The following RPS6KA2 variants were observed in gnomAD, a reference collection of about 807,000 sequenced individuals.
The protein encoded by RPS6KA2 is ribosomal protein S6 kinase alpha-2.
Under a neutral mutation model 91.8 loss-of-function variants are expected in RPS6KA2, and 42 were observed. That is an observed-to-expected ratio of 0.46 (90% CI 0.36 to 0.59). The LOEUF is 0.59. Among genes scored for constraint, RPS6KA2 ranks in the 20% least tolerant of loss-of-function variants. The pLI, the probability that RPS6KA2 is intolerant of heterozygous loss-of-function variation, is 0.00. For synonymous variants in RPS6KA2, 414 were observed against 393.6 expected (o/e 1.05, Z -0.61); for missense variants, 798 against 978.5 (o/e 0.82, Z 2.46).
chr6:166,485,952 C>T (rs996606663), intron 10 of RPS6KA2, among the ~76,000 whole-genome samples: 6 of 152,178 alleles, frequency 3.9e-5, no homozygotes, highest in East Asian at 1.9e-4. Context: ...TAAGGGTGAG[C>T]GCTGAGCCCT....
rs187429568 is a variant in RPS6KA2 at position 166,425,332 on chromosome 6, G to C, written c.1582-1915C>G. The stretch of plus-strand genomic sequence containing the variant: ...ACATGGAAAGGAACAACAGGTACCA[G>C]CCACTGCAAAATAATGCCAAAATGT... On this transcript the variant is annotated intron_variant, in intron 16 of 20. Transcript: ENST00000265678. Among the ~76,000 whole-genome samples the C allele has an allele frequency of 1.8e-3, 281 of 152,084 alleles. 7 individuals are homozygous for C. The highest frequency in any genetic ancestry group is 0.015 in the Admixed American group (224 of 15,260).
chr6:166,785,051 C>T (rs1202815254), intron 2 of RPS6KA2, among the ~76,000 whole-genome samples: 1 of 152,210 alleles, frequency 6.6e-6, no homozygotes, highest in African/African-American at 2.4e-5. Flanking sequence ...TCTGTATACA[C>T]GTGTCTGTAT....
intron 1 of RPS6KA2, among the ~76,000 whole-genome samples, chr6:166,615,367 A>G (rs1313785267): frequency 2.0e-5 from 3 of 152,254 alleles, no homozygotes; most frequent in African/African-American, 7.2e-5. Context: ...CACAGGTCAC[A>G]AAAGCAAAAA....
intron 2 of RPS6KA2, among the ~76,000 whole-genome samples, chr6:166,660,397 CGTGTGT>C (rs1241926275): frequency 9.3e-5 from 10 of 107,998 alleles, no homozygotes; most frequent in African/African-American, 1.7e-4. Flanking sequence ...GGCATGCGTG[CGTGTGT>C]GTGTGTGTGT....
intron 19 of RPS6KA2, among the ~76,000 whole-genome samples, chr6:166,415,213 T>TAAC (rs1370719756): frequency 6.6e-6 from 1 of 152,266 alleles, no homozygotes; most frequent in East Asian, 1.9e-4. Flanking sequence ...TGATATTTGA[T>TAAC]AACATTGACC....
intron 2 of RPS6KA2, among the ~76,000 whole-genome samples, chr6:166,828,868 CA>C (rs555210115): frequency 1.3e-3 from 204 of 152,196 alleles, no homozygotes; most frequent in African/African-American, 4.7e-3. Context: ...TCAAAAGACA[CA>C]ATTAACAAGA....
intron 1 of RPS6KA2, chr6:166,586,360 C>G (rs1785174636): frequency 1.3e-6 from 2 of 1,599,490 alleles, no homozygotes; most frequent in Non-Finnish European, 1.7e-6. Context: ...CATTCCTCAA[C>G]AATTGGAGGA....
Position 166,437,748 on chromosome 6 carries a change from C to T in RPS6KA2, c.1333-5258G>A, listed in dbSNP as rs553447016. On this transcript the variant is annotated intron_variant, in intron 14 of 20. Coordinates refer to ENST00000265678, the MANE Select transcript of RPS6KA2 (RefSeq NM_021135.6). This position sits in a 1 kb window ranked among gnomAD's most constrained non-coding sequence, Gnocchi z 4.3. ...AGCACGGACACATGCAGCCATGTGC[C>T]AAACAAACACTGCCATTCCTGCTGG... is the stretch of plus-strand genomic sequence containing the variant. 2.0e-5 allele frequency among the ~76,000 whole-genome samples: 3 copies of T among 152,238 alleles called. No homozygotes were observed. The highest frequency in any genetic ancestry group is 2.1e-4 in the South Asian group (1 of 4,830).
At chr6:166,584,235 G>A (rs1361551341) in intron 1 of RPS6KA2, among the ~76,000 whole-genome samples, 2 of 152,314 alleles carry the variant, frequency 1.3e-5, no homozygotes, top group East Asian at 1.9e-4. Context: ...TTCTTGCAGC[G>A]CCCTTTCGTG....
intron 2 of RPS6KA2, among the ~76,000 whole-genome samples, chr6:166,710,490 G>A (rs1456715647): frequency 7.0e-5 from 1 of 14,204 alleles, no homozygotes; most frequent in Non-Finnish European, 4.0e-4. Flanking sequence ...GTGTGAGTGT[G>A]TGTGTGTGTG....
Position 166,432,390 on chromosome 6 carries a change from G to T in RPS6KA2, c.1422+11C>A. The stretch of plus-strand genomic sequence containing the variant: ...AGGAAGTGGAGATGCTGTTGCACGG[G>T]GACCACTCACATCCTTGAGGGTGAT... On this transcript the variant is annotated intron_variant, in intron 15 of 20. Transcript: ENST00000265678. 2 of 1,585,816 alleles carry T rather than the reference G, an allele frequency of 1.3e-6. No individual in the cohort carries two copies. The highest frequency in any genetic ancestry group is 1.7e-6 in the Non-Finnish European group (2 of 1,154,982).
intron 2 of RPS6KA2, among the ~76,000 whole-genome samples, chr6:166,707,245 CG>C (rs1789707885): frequency 6.6e-6 from 1 of 152,204 alleles, no homozygotes; most frequent in South Asian, 2.1e-4. Context: ...TGCAGATGGA[CG>C]GCAGCCCGGC....
intron 2 of RPS6KA2, among the ~76,000 whole-genome samples, chr6:166,535,792 G>A (rs1783458166): frequency 6.6e-6 from 1 of 152,202 alleles, no homozygotes; most frequent in African/African-American, 2.4e-5. Flanking sequence ...TGTTTTCTGT[G>A]CTTTTCTCTG....
At chr6:166,547,056 C>A (rs557337487) in intron 1 of RPS6KA2, among the ~76,000 whole-genome samples, 1 of 152,330 alleles carries the variant, frequency 6.6e-6, no homozygotes, top group Non-Finnish European at 1.5e-5. Flanking sequence ...TCAAGCGATC[C>A]TTCCACCTCA....
At chr6:166,538,266 G>A (rs556685402) in intron 2 of RPS6KA2, among the ~76,000 whole-genome samples, 1 of 152,274 alleles carries the variant, frequency 6.6e-6, no homozygotes, top group African/African-American at 2.4e-5. Flanking sequence ...CCAGAGGAAT[G>A]GATTCTTTTC....
At chr6:166,657,481 A>C (rs1425035796) in intron 2 of RPS6KA2, among the ~76,000 whole-genome samples, 1 of 152,264 alleles carries the variant, frequency 6.6e-6, no homozygotes, top group African/African-American at 2.4e-5. Context: ...CCTTGGTTGT[A>C]GAAAAAGAGG....
intron 1 of RPS6KA2, among the ~76,000 whole-genome samples, chr6:166,541,326 G>A (rs1268785142): frequency 6.6e-6 from 1 of 152,208 alleles, no homozygotes; most frequent in Non-Finnish European, 1.5e-5. Context: ...CCTTTCCTGG[G>A]GCACGTTTCC....
rs549898256 is a variant in RPS6KA2 at position 166,858,395 on chromosome 6, C to T, written c.64-136G>A. Reference sequence around the variant, plus strand: ...CTGTAGGACATGGAAACCATATCACCGTCCCTTCCCACCTGAATTTATGTT... The same window carrying T: ...CTGTAGGACATGGAAACCATATCACTGTCCCTTCCCACCTGAATTTATGTT... On this transcript the variant is annotated intron_variant, in intron 1 of 21. Transcript: ENST00000503859. 1.7e-4 allele frequency: 107 copies of T among 629,636 alleles called. 1 individual carries two copies. Among genetic ancestry groups the T allele is most frequent in the Non-Finnish European group, 2.5e-4 (87 of 348,834 alleles). The allele number at this position is 629,636 out of a possible 1,614,324, so 39.0% of individuals were successfully genotyped here. A position where few individuals can be genotyped will look rare whatever the true frequency, so the allele number is the denominator to read the frequency against.
rs74794273 is a variant in RPS6KA2 at position 166,533,737 on chromosome 6, C to T, written c.217-2424G>A. ...AGGGTGACAGATGAATCTATCCATT[C>T]CATTGCGGCGAAGCTGACATGTTAG... On this transcript the variant is annotated intron_variant, in intron 2 of 20. Transcript: ENST00000265678. This position sits in a 1 kb window ranked among gnomAD's most constrained non-coding sequence, Gnocchi z 4.0. Among the ~76,000 whole-genome samples the T allele has an allele frequency of 0.011, 1,690 of 152,280 alleles. 15 individuals are homozygous for T. The highest frequency in any genetic ancestry group is 0.029 in the South Asian group (140 of 4,826).
Sources: allele counts gnomAD v4.1 joint callset (sites outside exome capture counted in the v4.1 genomes callset), GRCh38; gene constraint gnomAD v4.1.1; non-coding constraint Gnocchi (gnomAD v3.1); transcripts MANE v1.5; gene names NCBI Gene and HGNC (gene_info 2026-07-23, HGNC 2026-07-21).